The following ZDHHC15 variants were observed in gnomAD, a reference collection of about 807,000 sequenced individuals.
ZDHHC15 encodes the protein palmitoyltransferase ZDHHC15.
ZDHHC15 carries 19 observed loss-of-function variants against 31.7 expected under a neutral mutation model. The ratio of observed to expected loss-of-function variants is 0.60; its 90% CI spans 0.42 to 0.88. The LOEUF is 0.88. Among genes scored for constraint, ZDHHC15 ranks in the 40% least tolerant of loss-of-function variants. The pLI, the probability that ZDHHC15 is intolerant of heterozygous loss-of-function variation, is 0.00. For synonymous variants in ZDHHC15, 103 were observed against 90.0 expected (o/e 1.14, Z -0.82); for missense variants, 209 against 251.2 (o/e 0.83, Z 1.14).
At chrX:75,396,420 T>C (rs770170506) in intron 10 of ZDHHC15, among the ~76,000 whole-genome samples, 2 of 111,775 alleles carry the variant, frequency 1.8e-5, no homozygotes, top group South Asian at 7.5e-4. Context: ...ATCAGAGAAA[T>C]GAAAATCAAA....
intron 3 of ZDHHC15, among the ~76,000 whole-genome samples, chrX:75,459,251 C>G: frequency 9.0e-6 from 1 of 110,805 alleles, no homozygotes; most frequent in Non-Finnish European, 1.9e-5. Flanking sequence ...GGTGGGAGAT[C>G]CATTTGTACA....
chrX:75,449,129 A>C (rs1422829303), intron 4 of ZDHHC15, among the ~76,000 whole-genome samples: 2 of 108,316 alleles, frequency 1.8e-5, no homozygotes, highest in Non-Finnish European at 3.8e-5. Context: ...TCCAGCTTGC[A>C]GATGGCAGAC....
rs759765309 is a variant in ZDHHC15 at position 75,450,737 on chromosome X, A to G, written c.379+65T>C. The G allele has an allele frequency of 8.2e-5, 99 of 1,207,542 alleles. No homozygotes were observed. In the South Asian group the frequency reaches 1.7e-3, roughly 21 times the overall value. On this transcript the variant is annotated intron_variant, in intron 4 of 11. Transcript: ENST00000373367. ...AAAAAAAGGGCTAGTTTGAGAACAT[A>G]TATGACTTAGCCTTTCTGAGATACT... is the stretch of plus-strand genomic sequence containing the variant.
intron 4 of ZDHHC15, among the ~76,000 whole-genome samples, chrX:75,440,669 T>G (rs1379457718): frequency 8.9e-6 from 1 of 112,006 alleles, no homozygotes; most frequent in South Asian, 3.7e-4. Flanking sequence ...TGTGGTAGTA[T>G]AGCGGGGATT....
rs777117812 is a variant in ZDHHC15, at chrX:75,372,081, C to T, written c.*897G>A. The stretch of plus-strand genomic sequence containing the variant: ...GAAAACCCTTAACAAAACCTATGGG[C>T]CATAACTTAGGCTTATAGATTTTCT... On this transcript the variant is annotated 3_prime_UTR_variant, in exon 12 of 12. Coordinates refer to ENST00000373367, the MANE Select transcript of ZDHHC15 (RefSeq NM_144969.3). 1 of 111,554 alleles carries T rather than the reference C, an allele frequency of 9.0e-6. No homozygotes were observed. The highest frequency in any genetic ancestry group is 3.3e-5 in the African/African-American group (1 of 30,707). 9.2% of individuals were successfully genotyped at this position (111,554 alleles called of 1,213,427 possible).
At chrX:75,504,302 T>C (rs1482757972) in intron 2 of ZDHHC15, among the ~76,000 whole-genome samples, 1 of 111,638 alleles carries the variant, frequency 9.0e-6, no homozygotes. Context: ...GCTTTTTGTG[T>C]TTTTTTGCCA....
intron 4 of ZDHHC15, among the ~76,000 whole-genome samples, chrX:75,446,852 A>G (rs902285553): frequency 2.7e-5 from 3 of 111,779 alleles, no homozygotes; most frequent in African/African-American, 9.8e-5. Context: ...CCATGTCCCC[A>G]AAGACCTCAC....
At chrX:75,493,567 C>T (rs745757032) in intron 2 of ZDHHC15, among the ~76,000 whole-genome samples, 29 of 111,808 alleles carry the variant, frequency 2.6e-4, no homozygotes, top group Non-Finnish European at 4.7e-4. Context: ...AGCAGCACAT[C>T]AAAAAGCTTA....
chrX:75,447,864 A>G lies in ZDHHC15; in HGVS notation c.379+2938T>C, dbSNP rs188496836. 2.6e-3 allele frequency among the ~76,000 whole-genome samples: 294 copies of G among 112,017 alleles called. 1 individual carries two copies. The highest frequency in any genetic ancestry group is 4.6e-3 in the Non-Finnish European group (244 of 53,213). On this transcript the variant is annotated intron_variant, in intron 4 of 11. Transcript: ENST00000373367. ...CACCCAGCCACTTTGGAATCCTCGT[A>G]TCTCTGAATCAACAGGACAAGAGGC...
At chrX:75,406,406 A>C (rs987591931) in intron 10 of ZDHHC15, among the ~76,000 whole-genome samples, 1 of 111,474 alleles carries the variant, frequency 9.0e-6, no homozygotes, top group African/African-American at 3.3e-5. Context: ...CCAATGAAAC[A>C]AAAAGTTGGA....
chrX:75,446,310 A>T (rs1315882180), intron 4 of ZDHHC15, among the ~76,000 whole-genome samples: 1 of 111,517 alleles, frequency 9.0e-6, no homozygotes, highest in Non-Finnish European at 1.9e-5. Flanking sequence ...ACAGTGAGTG[A>T]GATGGAAATG....
At chrX:75,400,029 A>G (rs186146557) in intron 10 of ZDHHC15, among the ~76,000 whole-genome samples, 96 of 111,966 alleles carry the variant, frequency 8.6e-4, no homozygotes, top group African/African-American at 3.0e-3. Context: ...AGATGAGAAA[A>G]AAACCAATGC....
intron 10 of ZDHHC15, among the ~76,000 whole-genome samples, chrX:75,388,890 C>A (rs1436564078): frequency 8.9e-6 from 1 of 111,839 alleles, no homozygotes; most frequent in East Asian, 2.8e-4. Flanking sequence ...TCATAAGAAC[C>A]AAAAATCATG....
At chrX:75,517,300 C>T (rs1056573813) in intron 1 of ZDHHC15, among the ~76,000 whole-genome samples, 3 of 110,746 alleles carry the variant, frequency 2.7e-5, no homozygotes, top group Non-Finnish European at 3.8e-5. Context: ...ATGTTTATTG[C>T]GGCACTATTC....
intron 9 of ZDHHC15, 52 bp downstream of exon 9, chrX:75,421,812 G>A: frequency 1.7e-6 from 2 of 1,171,788 alleles, no homozygotes; most frequent in Non-Finnish European, 2.3e-6. Flanking sequence ...TGAATTTGCT[G>A]GTTCAAGGCA....
intron 3 of ZDHHC15, 76 bp from the exon 4 acceptor site, chrX:75,450,998 C>A: frequency 9.1e-7 from 1 of 1,096,298 alleles, no homozygotes; most frequent in South Asian, 2.2e-5. Context: ...ACAATAACTA[C>A]TTTAATGAAA....
At chrX:75,520,477 A>T (rs757667776) in intron 1 of ZDHHC15, among the ~76,000 whole-genome samples, 5 of 111,910 alleles carry the variant, frequency 4.5e-5, no homozygotes, top group Non-Finnish European at 7.5e-5. Flanking sequence ...TCTGGCACAG[A>T]GTAAGCAATA....
chrX:75,501,085 C>A (rs1333298911), intron 2 of ZDHHC15, among the ~76,000 whole-genome samples: 1 of 110,084 alleles, frequency 9.1e-6, no homozygotes, highest in Non-Finnish European at 1.9e-5. Flanking sequence ...ATCTTAGTAC[C>A]CAATTGTTAT....
chrX:75,494,601 C>T (rs138610482), intron 2 of ZDHHC15, among the ~76,000 whole-genome samples: 1,225 of 111,663 alleles, frequency 0.011, 15 homozygotes, highest in African/African-American at 0.038. Flanking sequence ...ACCAATGGAA[C>T]AGAACAGAGC....
Sources: allele counts gnomAD v4.1 joint callset (sites outside exome capture counted in the v4.1 genomes callset), GRCh38; gene constraint gnomAD v4.1.1; transcripts MANE v1.5; gene names NCBI Gene and HGNC (gene_info 2026-07-23, HGNC 2026-07-21).